The following ZFHX3 variants were observed in gnomAD, a reference collection of about 807,000 sequenced individuals.
ZFHX3 encodes zinc finger homeobox protein 3.
Under a neutral mutation model 279.1 loss-of-function variants are expected in ZFHX3, and 42 were observed. That is an observed-to-expected ratio of 0.15 (90% CI 0.12 to 0.19). The LOEUF (loss-of-function observed/expected upper bound fraction) is 0.19, where lower values mean the gene tolerates loss of function less well. ZFHX3 is among the 10% of genes least tolerant of loss of function. ZFHX3 has a pLI of 1.00. For missense variants in ZFHX3, 4,981 were observed against 4,754.0 expected (o/e 1.05, Z -1.40); for synonymous variants, 2,293 against 1,957.8 (o/e 1.17, Z -4.52).
chr16:73,574,345 G>GC (rs5817853), intron 2 of ZFHX3, among the ~76,000 whole-genome samples: 22,014 of 151,354 alleles, frequency 0.15, 2,321 homozygotes, highest in African/African-American at 0.29. Flanking sequence ...CATTTCTTGG[G>GC]CCCCCCCCAG....
chr16:73,180,994 A>G (rs538917341), intron 5 of ZFHX3, among the ~76,000 whole-genome samples: 2 of 152,052 alleles, frequency 1.3e-5, no homozygotes, highest in African/African-American at 2.4e-5. Context: ...ATTCTCCTTG[A>G]GTCAGAGAAA....
At chr16:73,789,354 G>T (rs1263944308) in intron 1 of ZFHX3, among the ~76,000 whole-genome samples, 2 of 151,794 alleles carry the variant, frequency 1.3e-5, no homozygotes, top group Non-Finnish European at 2.9e-5. Flanking sequence ...CTAATTTTTT[G>T]CATTTTTAGT....
intron 2 of ZFHX3, among the ~76,000 whole-genome samples, chr16:73,627,611 G>C (rs1468632530): frequency 6.6e-6 from 1 of 152,162 alleles, no homozygotes; most frequent in Non-Finnish European, 1.5e-5. Flanking sequence ...GGAAAGTCTT[G>C]ACGTGCTTTA....
At chr16:72,867,671 T>G (rs1210311013) in intron 4 of ZFHX3, among the ~76,000 whole-genome samples, 1 of 152,116 alleles carries the variant, frequency 6.6e-6, no homozygotes, top group Non-Finnish European at 1.5e-5. Context: ...CCTGTCAAGT[T>G]TCTAGCCAAG....
intron 1 of ZFHX3, among the ~76,000 whole-genome samples, chr16:73,016,585 AAAT>A (rs1235637190): frequency 1.3e-5 from 2 of 152,114 alleles, no homozygotes; most frequent in Non-Finnish European, 2.9e-5. Context: ...ATGCCTCTCA[AAAT>A]AATAATAAAC....
chr16:73,204,052 T>G (rs1279884752), intron 5 of ZFHX3, among the ~76,000 whole-genome samples: 1 of 152,132 alleles, frequency 6.6e-6, no homozygotes, highest in East Asian at 1.9e-4. Flanking sequence ...TTTCAAGATT[T>G]TTTTTTTAGT....
intron 2 of ZFHX3, chr16:73,609,507 G>A (rs1445336558): frequency 6.6e-6 from 1 of 152,098 alleles, no homozygotes; most frequent in Non-Finnish European, 1.5e-5. Context: ...TTTAAACAAA[G>A]GGTATCAGCG....
intron 5 of ZFHX3, among the ~76,000 whole-genome samples, chr16:73,208,039 G>A (rs1295214580): frequency 8.5e-5 from 13 of 152,174 alleles, no homozygotes; most frequent in Admixed American, 4.6e-4. Context: ...TAGGAGTGGC[G>A]TTTGGATGAC....
intron 2 of ZFHX3, among the ~76,000 whole-genome samples, chr16:73,538,583 C>A (rs1033764745): frequency 2.0e-5 from 3 of 152,108 alleles, no homozygotes; most frequent in African/African-American, 7.2e-5. Context: ...GACATTTGGA[C>A]AAAAGATCTG....
rs1966101963 is a variant in ZFHX3, at chr16:73,092,735, G to A, written c.-533+500C>T. Reference sequence around the variant, plus strand: ...GCGCTCTGGGAGAGCGCTTATATGGGCTTCATGAGGCTAAGTAATAAACAC... The same window carrying A: ...GCGCTCTGGGAGAGCGCTTATATGGACTTCATGAGGCTAAGTAATAAACAC... On this transcript the variant is annotated intron_variant, in intron 8 of 17. Transcript: ENST00000641206. 1.4e-5 allele frequency: 5 copies of A among 344,960 alleles called. No homozygotes were observed. The Admixed American group carries it at 2.0e-4, about 14-fold the overall frequency. The allele number at this position is 344,960 out of a possible 1,614,324, so 21.4% of individuals were successfully genotyped here.
chr16:72,848,189 A>G (rs1294718935), intron 4 of ZFHX3, among the ~76,000 whole-genome samples: 3 of 152,234 alleles, frequency 2.0e-5, no homozygotes, highest in Non-Finnish European at 2.9e-5. Flanking sequence ...CAGGCCTGGC[A>G]CTAATTGCTC....
intron 1 of ZFHX3, chr16:73,813,661 A>C (rs1193405954): frequency 6.6e-6 from 1 of 152,226 alleles, no homozygotes; most frequent in East Asian, 1.9e-4. Context: ...TCCATCCCAC[A>C]GCACTCATCA....
chr16:73,019,343 C>CGTGTGTGTGT (rs112184906), intron 1 of ZFHX3, among the ~76,000 whole-genome samples: 39 of 150,170 alleles, frequency 2.6e-4, no homozygotes, highest in African/African-American at 9.5e-4. Context: ...TGTGTCTGTG[C>CGTGTGTGTGT]GTGTGTGTGT....
At chr16:73,852,607 T>C (rs190328981) in intron 1 of ZFHX3, among the ~76,000 whole-genome samples, 154 of 152,306 alleles carry the variant, frequency 1.0e-3, no homozygotes, top group African/African-American at 3.5e-3. Flanking sequence ...GATGATGGCA[T>C]TGGTCATGAT....
chr16:73,530,237 A>C (rs1388070675), intron 2 of ZFHX3, among the ~76,000 whole-genome samples: 1 of 152,142 alleles, frequency 6.6e-6, no homozygotes, highest in Non-Finnish European at 1.5e-5. Context: ...AGACTTATTC[A>C]CTACCATGAG....
At chr16:73,491,883 G>A (rs1286541698) in intron 2 of ZFHX3, among the ~76,000 whole-genome samples, 3 of 152,052 alleles carry the variant, frequency 2.0e-5, no homozygotes, top group Non-Finnish European at 4.4e-5. Flanking sequence ...AGTGTTGTTG[G>A]CCCAAATTGT....
intron 2 of ZFHX3, among the ~76,000 whole-genome samples, chr16:73,607,105 T>C (rs369913105): frequency 5.3e-5 from 8 of 152,252 alleles, no homozygotes; most frequent in East Asian, 3.8e-4. Flanking sequence ...CTTGGCTCAC[T>C]GCAACCTCCA....
intron 2 of ZFHX3, among the ~76,000 whole-genome samples, chr16:73,592,274 G>C (rs1334560732): frequency 6.6e-6 from 1 of 151,994 alleles, no homozygotes; most frequent in African/African-American, 2.4e-5. Flanking sequence ...CAAAACAAAA[G>C]AAGTTCTTCG....
At chr16:73,013,992 G>A (rs1239542762) in intron 1 of ZFHX3, among the ~76,000 whole-genome samples, 3 of 152,202 alleles carry the variant, frequency 2.0e-5, no homozygotes, top group Admixed American at 6.5e-5. Context: ...TCTTTGGATA[G>A]AGGAGATGAT....
Sources: gnomAD v4.1 joint callset for allele counts (sites outside exome capture counted in the v4.1 genomes callset) on GRCh38, gnomAD v4.1.1 for gene constraint, MANE v1.5 for transcripts, NCBI Gene and HGNC (gene_info 2026-07-23, HGNC 2026-07-21) for gene names.